VGLL4: variants seen among roughly 807,000 people sequenced by gnomAD.
VGLL4 encodes the protein transcription cofactor vestigial-like protein 4.
A neutral mutation model predicts 21.0 loss-of-function variants in VGLL4; 7 were observed. The ratio of observed to expected loss-of-function variants is 0.33; its 90% confidence interval spans 0.19 to 0.63. The LOEUF is 0.63. Ranked by LOEUF, VGLL4 falls within the 20% of genes least tolerant of loss-of-function variation. The pLI is 0.78. For synonymous variants in VGLL4, 222 were observed against 173.2 expected (o/e 1.28, Z -2.21); for missense variants, 394 against 425.7 (o/e 0.93, Z 0.66).
intron 2 of VGLL4, among the ~76,000 whole-genome samples, chr3:11,582,700 G>C (rs187504207): frequency 6.6e-6 from 1 of 152,208 alleles, no homozygotes; most frequent in African/African-American, 2.4e-5. Flanking sequence ...ACACAGGAGA[G>C]GAAGGTTGCT....
intron 1 of VGLL4, among the ~76,000 whole-genome samples, chr3:11,636,649 C>A (rs530428440): frequency 5.3e-5 from 8 of 152,172 alleles, no homozygotes; most frequent in Non-Finnish European, 1.2e-4. Context: ...GCAGGAAAGT[C>A]GCTGTTCAGG....
At chr3:11,706,790 C>T (rs555485300) in intron 1 of VGLL4, among the ~76,000 whole-genome samples, 1 of 152,186 alleles carries the variant, frequency 6.6e-6, no homozygotes, top group East Asian at 1.9e-4. Context: ...TGAGAAAAGG[C>T]ACAGGGGCAG....
At chr3:11,585,280 A>G (rs2074335112) in intron 2 of VGLL4, among the ~76,000 whole-genome samples, 1 of 152,090 alleles carries the variant, frequency 6.6e-6, no homozygotes, top group Non-Finnish European at 1.5e-5. Flanking sequence ...TATTAAAAAT[A>G]CAAAAATTAG....
At chr3:11,630,302 C>T (rs569643065) in intron 1 of VGLL4, among the ~76,000 whole-genome samples, 1 of 152,266 alleles carries the variant, frequency 6.6e-6, no homozygotes, top group Admixed American at 6.5e-5. Context: ...CATAAATCCC[C>T]ACCAGAACTG....
chr3:11,647,989 T>TAAAA (rs11408793), upstream of VGLL4, among the ~76,000 whole-genome samples: 2 of 147,392 alleles, frequency 1.4e-5, no homozygotes, highest in Non-Finnish European at 3.0e-5. Flanking sequence ...AGCTCATCCA[T>TAAAA]AAAAAAAAAA....
intron 1 of VGLL4, among the ~76,000 whole-genome samples, chr3:11,637,336 G>A (rs2075607729): frequency 6.6e-6 from 1 of 151,880 alleles, no homozygotes; most frequent in Non-Finnish European, 1.5e-5. Flanking sequence ...TCTTAGTAGA[G>A]TATAGGCATT....
intron 2 of VGLL4, among the ~76,000 whole-genome samples, chr3:11,691,464 C>T (rs2125392949): frequency 6.6e-6 from 1 of 152,196 alleles, no homozygotes; most frequent in South Asian, 2.1e-4. Flanking sequence ...AGCAAAAGCC[C>T]CTGATCTGTA....
At chr3:11,689,966 C>T (rs1281449801) in intron 2 of VGLL4, among the ~76,000 whole-genome samples, 2 of 152,142 alleles carry the variant, frequency 1.3e-5, no homozygotes, top group African/African-American at 2.4e-5. Context: ...TGCAGGAGCC[C>T]GCAGGGATCT....
chr3:11,684,935 C>G (rs181347272), intron 2 of VGLL4, among the ~76,000 whole-genome samples: 1 of 152,214 alleles, frequency 6.6e-6, no homozygotes, highest in Admixed American at 6.5e-5. Flanking sequence ...CACTCAGGTA[C>G]TAAGCCAAGT....
intron 2 of VGLL4, among the ~76,000 whole-genome samples, chr3:11,574,350 G>A (rs74608224): frequency 5.3e-5 from 8 of 152,178 alleles, no homozygotes; most frequent in South Asian, 2.1e-4. Context: ...ACTGGGCCTC[G>A]GTCACCTGTC....
At chr3:11,705,298 C>T (rs1451910211) in intron 1 of VGLL4, among the ~76,000 whole-genome samples, 7 of 152,198 alleles carry the variant, frequency 4.6e-5, no homozygotes, top group Admixed American at 4.6e-4. Flanking sequence ...ACGCGGAGGG[C>T]AGCGAGGGGC....
chr3:11,581,129 C>T (rs1031205236), intron 2 of VGLL4, among the ~76,000 whole-genome samples: 19 of 151,044 alleles, frequency 1.3e-4, no homozygotes, highest in African/African-American at 3.7e-4. Context: ...TGCAGTGGCA[C>T]GATCTCAGCT....
intron 2 of VGLL4, among the ~76,000 whole-genome samples, chr3:11,655,452 TG>T (rs1028471082): frequency 9.4e-4 from 143 of 152,336 alleles, no homozygotes; most frequent in African/African-American, 3.4e-3. Flanking sequence ...TGGCACCACC[TG>T]GTCATTTGTA....
rs868456774 is a variant in VGLL4 at position 11,685,207 on chromosome 3, T to G, written c.64+17764A>C. Reference sequence around the variant, plus strand: ...ATAGTATTCCATGGTGTTGTTTTTTTTTTTTTTTTGAGATGGAGTCTCGCT... The same window carrying G: ...ATAGTATTCCATGGTGTTGTTTTTTGTTTTTTTTTGAGATGGAGTCTCGCT... On this transcript the variant is annotated intron_variant, in intron 2 of 5. Transcript: ENST00000273038. Among the ~76,000 whole-genome samples the G allele has an allele frequency of 9.5e-3, 1,445 of 151,796 alleles. 21 individuals are homozygous for G. The highest frequency in any genetic ancestry group is 0.033 in the African/African-American group (1,358 of 41,428).
At chr3:11,695,755 A>G (rs1002816177) in intron 2 of VGLL4, among the ~76,000 whole-genome samples, 5 of 152,126 alleles carry the variant, frequency 3.3e-5, no homozygotes, top group Non-Finnish European at 7.4e-5. Flanking sequence ...CTCTCTGAGG[A>G]TCGCGGATAG....
rs1424097632 is a variant in VGLL4, at chr3:11,690,560, TGAATTCATTTTAAAAGTAA to T, written c.64+12392_64+12410del. Among the ~76,000 whole-genome samples the T allele has an allele frequency of 3.3e-5, 5 of 152,176 alleles. No individual in the cohort carries two copies. In the East Asian group the frequency reaches 9.7e-4, roughly 29 times the overall value. ...TGAACAGAACAGACTTTAGGCCTCT[TGAATTCATTTTAAAAGTAA>T]CTACAGTCCAGTTAAACAAGGTAAG... On this transcript the variant is annotated intron_variant, in intron 2 of 5. Coordinates refer to the VGLL4 transcript ENST00000273038.
intron 2 of VGLL4, among the ~76,000 whole-genome samples, chr3:11,585,718 G>A (rs908264881): frequency 3.2e-4 from 48 of 152,194 alleles, no homozygotes; most frequent in African/African-American, 1.1e-3. Flanking sequence ...TTATCTTAGA[G>A]CAGGCATGAG....
chr3:11,593,802 C>T (rs6769430), intron 2 of VGLL4, among the ~76,000 whole-genome samples: 1 of 152,050 alleles, frequency 6.6e-6, no homozygotes, highest in African/African-American at 2.4e-5. Context: ...ACACCAGGAC[C>T]GTGTTTCAAA....
At chr3:11,563,624 G>C (rs2073240208) in intron 3 of VGLL4, among the ~76,000 whole-genome samples, 1 of 152,222 alleles carries the variant, frequency 6.6e-6, no homozygotes, top group African/African-American at 2.4e-5. Context: ...ATGAACAGCA[G>C]TGATAACTTG....
Sources: allele counts gnomAD v4.1 joint callset (sites outside exome capture counted in the v4.1 genomes callset), GRCh38; gene constraint gnomAD v4.1.1; transcripts MANE v1.5; gene names NCBI Gene and HGNC (gene_info 2026-07-23, HGNC 2026-07-21).